The following DOP1B variants were observed in gnomAD, a reference collection of about 807,000 sequenced individuals.
DOP1B encodes protein DOP1B.
In DOP1B, 174 loss-of-function variants were observed where a neutral mutation model predicts 233.5. That is an observed-to-expected ratio of 0.75 (90% confidence interval 0.66 to 0.85). The LOEUF is 0.85. Among genes scored for constraint, DOP1B ranks in the 40% least tolerant of loss-of-function variants. DOP1B has a pLI of 0.00. For missense variants in DOP1B, 2,652 were observed against 2,846.6 expected (o/e 0.93, Z 1.56); for synonymous variants, 1,190 against 1,185.6 (o/e 1.00, Z -0.08).
At position 36,232,729 on chromosome 21, in the gene DOP1B, G is replaced by A. The variant is rs2066781459; in HGVS notation, c.2351-75G>A. ...GGTAACTTCCCAGATCTAGGGTGCT[G>A]TAGAATCTGCAGACTGGGGACCCAT... is the stretch of plus-strand genomic sequence containing the variant. On this transcript the variant is annotated intron_variant, in intron 14 of 36. Transcript: ENST00000691173. 11 of 1,587,338 alleles carry A rather than the reference G, an allele frequency of 6.9e-6. No homozygotes were observed. In the East Asian group the frequency reaches 1.3e-4, roughly 19 times the overall value.
chr21:36,226,414 C>T (rs985526917), intron 12 of DOP1B, among the ~76,000 whole-genome samples: 16 of 151,860 alleles, frequency 1.1e-4, no homozygotes, highest in Non-Finnish European at 1.3e-4. Flanking sequence ...TCTCCTGCCT[C>T]GGCCTCCCAG....
At chr21:36,220,546 G>A (rs147324575) in intron 10 of DOP1B, among the ~76,000 whole-genome samples, 2 of 152,136 alleles carry the variant, frequency 1.3e-5, no homozygotes, top group Admixed American at 1.3e-4. Context: ...GGTCACCCAG[G>A]CTGGAGTGCA....
At chr21:36,208,148 A>G (rs1236547092) in intron 4 of DOP1B, among the ~76,000 whole-genome samples, 1 of 151,918 alleles carries the variant, frequency 6.6e-6, no homozygotes, top group Non-Finnish European at 1.5e-5. Context: ...AGGAAACACC[A>G]CTCCAGGCTG....
intron 27 of DOP1B, among the ~76,000 whole-genome samples, chr21:36,274,372 G>C (rs1264888535): frequency 1.3e-5 from 2 of 152,218 alleles, no homozygotes; most frequent in Non-Finnish European, 2.9e-5. Flanking sequence ...TTTAGAAAAT[G>C]CAGCCAAGGA....
Position 36,245,269 on chromosome 21 carries a change from G to C in DOP1B, c.3289G>C (p.Asp1097His), listed in dbSNP as rs770790010. The part of the protein sequence containing the change: ...EELPYYVELP[D>H]RTAHGAPDSS... ...GCTGCCCTACTACGTGGAGCTTCCA[G>C]ACAGGACGGCCCACGGCGCCCCGGA... is the stretch of plus-strand genomic sequence containing the variant. The change falls in exon 19 of 37, where the codon GAC becomes CAC. Residue 1097 changes from aspartate (D) to histidine (H), a missense_variant. Transcript: ENST00000691173. The surrounding 1 kb of genome is among the most constrained non-coding windows in gnomAD (Gnocchi z 5.5). 2 of 1,614,012 alleles carry C rather than the reference G, an allele frequency of 1.2e-6. No individual in the cohort carries two copies. Among genetic ancestry groups the C allele is most frequent in the Non-Finnish European group, 1.7e-6 (2 of 1,180,040 alleles).
chr21:36,198,959 T>A (rs1026004136), intron 2 of DOP1B, 111 bp from the exon 3 acceptor site: 7 of 1,191,816 alleles, frequency 5.9e-6, no homozygotes, highest in African/African-American at 4.6e-5. Flanking sequence ...TGTCTCTTTC[T>A]TACAGCCACA....
intron 23 of DOP1B, among the ~76,000 whole-genome samples, chr21:36,255,898 C>T (rs1280785087): frequency 1.3e-5 from 2 of 152,130 alleles, no homozygotes; most frequent in African/African-American, 4.8e-5. Context: ...TTCATTACAG[C>T]AGCCTGGAGG....
intron 1 of DOP1B, among the ~76,000 whole-genome samples, chr21:36,160,037 T>C (rs534928355): frequency 1.3e-5 from 2 of 152,316 alleles, no homozygotes; most frequent in South Asian, 2.1e-4. Flanking sequence ...CTTTCCCCCA[T>C]GTTTAGACAC....
At chr21:36,234,886 A>G (rs1334566080) in intron 15 of DOP1B, among the ~76,000 whole-genome samples, 1 of 152,164 alleles carries the variant, frequency 6.6e-6, no homozygotes. Flanking sequence ...ATATATGGGT[A>G]CAATTTGATA....
At chr21:36,209,824 GTGT>G (rs2066472638) in intron 5 of DOP1B, among the ~76,000 whole-genome samples, 1 of 152,168 alleles carries the variant, frequency 6.6e-6, no homozygotes, top group Non-Finnish European at 1.5e-5. Flanking sequence ...CCACCTGGTG[GTGT>G]TCCCACACTT....
chr21:36,223,251 A>G lies in DOP1B; in HGVS notation c.1271A>G (p.Asn424Ser). 6.2e-7 allele frequency: 1 copy of G among 1,605,000 alleles called. No individual in the cohort carries two copies. The highest frequency in any genetic ancestry group is 8.5e-7 in the Non-Finnish European group (1 of 1,177,734). The change falls in exon 11 of 37, where the codon AAT becomes AGT. Residue 424 changes from asparagine to serine, a missense_variant. By Grantham distance (46) the Asn-to-Ser change is conservative. Coordinates refer to ENST00000691173, the MANE Select transcript of DOP1B (RefSeq NM_001320714.2). The stretch of plus-strand genomic sequence containing the variant: ...TACAGTGCAATCAAGGAAAACAGAA[A>G]TGCCTCTGAGATTGTCAAAACGGTA... ...SLISAIKENR[N>S]ASEIVKTVNL...
chr21:36,201,253 T>C (rs1422265855), intron 4 of DOP1B, among the ~76,000 whole-genome samples: 4 of 152,086 alleles, frequency 2.6e-5, no homozygotes, highest in Admixed American at 6.6e-5. Flanking sequence ...TACCTCCATT[T>C]ACAGGTGAGG....
chr21:36,273,797 C>T (rs544755659), intron 27 of DOP1B, among the ~76,000 whole-genome samples: 102 of 151,942 alleles, frequency 6.7e-4, no homozygotes, highest in African/African-American at 1.9e-3. Flanking sequence ...ACTAAGGGGC[C>T]GGGCACAGTG....
At chr21:36,258,887 G>A (rs575773647) in intron 23 of DOP1B, among the ~76,000 whole-genome samples, 1 of 152,120 alleles carries the variant, frequency 6.6e-6, no homozygotes, top group East Asian at 1.9e-4. Flanking sequence ...AAAAGGACCC[G>A]GATGACTTCC....
chr21:36,174,532 C>T (rs2066003516), intron 2 of DOP1B, among the ~76,000 whole-genome samples: 1 of 152,086 alleles, frequency 6.6e-6, no homozygotes, highest in Admixed American at 6.6e-5. Context: ...CCAACAGAAT[C>T]CTTCTTCTTT....
At chr21:36,205,288 G>A (rs2247051) in intron 4 of DOP1B, among the ~76,000 whole-genome samples, 36,013 of 152,130 alleles carry the variant, frequency 0.24, 4,280 homozygotes, top group Non-Finnish European at 0.26. Flanking sequence ...GCGTTTGCAG[G>A]AGGCATGAGA....
intron 22 of DOP1B, among the ~76,000 whole-genome samples, chr21:36,252,156 G>A (rs544889131): frequency 5.4e-5 from 8 of 148,328 alleles, no homozygotes; most frequent in Admixed American, 3.4e-4. Context: ...CAGCCTGGGC[G>A]ACAAAGCAAG....
At chr21:36,264,506 CT>C (rs1157908921) in intron 26 of DOP1B, among the ~76,000 whole-genome samples, 1 of 150,882 alleles carries the variant, frequency 6.6e-6, no homozygotes, top group Non-Finnish European at 1.5e-5. Flanking sequence ...CAGAATCTCA[CT>C]CCATCACCCA....
At chr21:36,162,766 A>G (rs1452790910) in intron 1 of DOP1B, among the ~76,000 whole-genome samples, 3 of 152,036 alleles carry the variant, frequency 2.0e-5, no homozygotes, top group African/African-American at 7.2e-5. Flanking sequence ...GCTGGTCTCA[A>G]ACATCTGACC....
Sources: allele counts gnomAD v4.1 joint callset (sites outside exome capture counted in the v4.1 genomes callset), GRCh38; gene constraint gnomAD v4.1.1; non-coding constraint Gnocchi (gnomAD v3.1); transcripts MANE v1.5; gene names NCBI Gene and HGNC (gene_info 2026-07-23, HGNC 2026-07-21).